ZNF469: variants seen among roughly 807,000 people sequenced by gnomAD.
The protein encoded by ZNF469 is zinc finger protein 469.
In ZNF469, 1 loss-of-function variant was observed where a neutral mutation model predicts 1.0. That is an observed-to-expected ratio of 1.00 (90% CI 0.35 to 4.73). ZNF469 has a LOEUF of 4.73. ZNF469 is among the 30% of genes most tolerant of loss of function. ZNF469 has a pLI of 0.16. For synonymous variants in ZNF469, 2,703 were observed against 2,363.4 expected (o/e 1.14, Z -4.17); for missense variants, 6,100 against 5,356.3 (o/e 1.14, Z -4.33).
chr16:88,426,334 G>A (rs1448013233), intron 2 of ZNF469, among the ~76,000 whole-genome samples: 1 of 152,270 alleles, frequency 6.6e-6, no homozygotes, highest in Admixed American at 6.5e-5. Flanking sequence ...GCCTCACTCT[G>A]CTGTGTAAAG....
At chr16:88,249,312 C>G in the ZNF469 span, among the ~76,000 whole-genome samples, 57 of 151,804 alleles carry the variant, frequency 3.8e-4, no homozygotes, top group African/African-American at 1.3e-3. Flanking sequence ...ACTGTAGTCT[C>G]GAACTCCTGG....
At chr16:88,374,337 G>GAA in the ZNF469 span, among the ~76,000 whole-genome samples, 1 of 152,242 alleles carries the variant, frequency 6.6e-6, no homozygotes, top group African/African-American at 2.4e-5. Context: ...AAAGCTGGCA[G>GAA]CAAGGGAGAG....
chr16:88,380,381 G>A (rs1208450154), upstream of ZNF469, among the ~76,000 whole-genome samples: 17 of 57,672 alleles, frequency 2.9e-4, no homozygotes, highest in East Asian at 4.4e-3. Context: ...GCACTCACAC[G>A]CACTCACAGA....
At chr16:88,249,423 CTTTTTCTTTTTT>C in the ZNF469 span, among the ~76,000 whole-genome samples, 6 of 61,754 alleles carry the variant, frequency 9.7e-5, no homozygotes, top group East Asian at 9.4e-4. Context: ...CTTTCTTTTT[CTTTTTCTTTTTT>C]TTTTTTTTTT....
chr16:88,382,253 G>A (rs926235682), upstream of ZNF469, among the ~76,000 whole-genome samples: 7 of 152,216 alleles, frequency 4.6e-5, no homozygotes, highest in African/African-American at 9.7e-5. Flanking sequence ...AGCCATCTCC[G>A]CCGTGTGGCC....
At chr16:88,415,214 C>T (rs767567779) in intron 1 of ZNF469, among the ~76,000 whole-genome samples, 33 of 152,168 alleles carry the variant, frequency 2.2e-4, no homozygotes, top group Non-Finnish European at 3.8e-4. Context: ...CAGGGACCCT[C>T]CGGGATCTCA....
chr16:88,338,877 G>A, the ZNF469 span, among the ~76,000 whole-genome samples: 2 of 152,218 alleles, frequency 1.3e-5, no homozygotes, highest in Non-Finnish European at 2.9e-5. Context: ...GCCTCAGGAG[G>A]AGCGTGGCCC....
chr16:88,399,095 T>A (rs530842520), intron 1 of ZNF469, among the ~76,000 whole-genome samples: 2 of 152,358 alleles, frequency 1.3e-5, no homozygotes, highest in Non-Finnish European at 2.9e-5. Flanking sequence ...AGTATGATGT[T>A]GGCGCTTCGG....
rs569847826 is a variant in ZNF469 at position 88,398,825 on chromosome 16, G to A, written c.-192+15571G>A. 3.9e-5 allele frequency among the ~76,000 whole-genome samples: 6 copies of A among 152,330 alleles called. No individual in the cohort carries two copies. In the South Asian group the frequency reaches 6.2e-4, roughly 16 times the overall value. On this transcript the variant is annotated intron_variant, in intron 1 of 2. Transcript: ENST00000565624. The stretch of plus-strand genomic sequence containing the variant: ...ATCCGGGCTGGGATCCGTGACCAAA[G>A]GTCAGGGCAGATCTGAGGAAAGTGT...
In ZNF469 at chr16:88,429,402, G is replaced by A. The variant is rs539996728; in HGVS notation, c.1932G>A (p.Thr644=). 50 of 1,539,576 alleles carry A rather than the reference G, an allele frequency of 3.2e-5. 1 individual carries two copies. Among genetic ancestry groups the A allele is most frequent in the East Asian group, 4.9e-5 (2 of 40,542 alleles). ...FFHPPTHPQE[T]GSPFPSPEPP... ...ACCCACCCACTCACCCCCAGGAGAC[G>A]GGCAGCCCCTTCCCGTCCCCGGAGC... The change falls in exon 3 of 3, where the codon ACG becomes ACA. Residue 644 remains threonine (T), a synonymous_variant. Coordinates refer to ENST00000565624, the MANE Select transcript of ZNF469 (RefSeq NM_001367624.2).
chr16:88,267,982 T>C, the ZNF469 span, among the ~76,000 whole-genome samples: 1 of 151,836 alleles, frequency 6.6e-6, no homozygotes, highest in Non-Finnish European at 1.5e-5. Context: ...TTCTCCACAT[T>C]CTTACCGGCT....
At chr16:88,203,509 C>T in the ZNF469 span, among the ~76,000 whole-genome samples, 6 of 144,146 alleles carry the variant, frequency 4.2e-5, no homozygotes, top group Admixed American at 3.4e-4. Context: ...GGGGACGGGG[C>T]GGGGGTGGAG....
chr16:88,411,218 A>G, intron 1 of ZNF469, among the ~76,000 whole-genome samples: 1 of 152,186 alleles, frequency 6.6e-6, no homozygotes, highest in East Asian at 1.9e-4. Context: ...AACCTCAGCA[A>G]TGACAACTTC....
the ZNF469 span, among the ~76,000 whole-genome samples, chr16:88,367,185 A>G: frequency 6.6e-6 from 1 of 152,202 alleles, no homozygotes; most frequent in South Asian, 2.1e-4. Context: ...TAGCCTATTG[A>G]GCTCCAACTG....
At position 88,427,996 on chromosome 16, in the gene ZNF469, G is replaced by A. The variant is rs761379794; in HGVS notation, c.526G>A (p.Glu176Lys). ...AAGGACTGAGGCCCAACCCGCCGCC[G>A]AAGAGCTTGGCTTCCACAGGTGCTT... is the stretch of plus-strand genomic sequence containing the variant. ...LPRTEAQPAA[E>K]ELGFHRCFQE... The change falls in exon 3 of 3, where the codon GAA becomes AAA. Residue 176 changes from glutamate to lysine, a missense_variant. Physicochemically the swap from Glu to Lys is moderately conservative, Grantham distance 56. Coordinates refer to ENST00000565624, the MANE Select transcript of ZNF469 (RefSeq NM_001367624.2). 69 of 1,549,852 alleles carry A rather than the reference G, an allele frequency of 4.5e-5. No homozygotes were observed. Among genetic ancestry groups the A allele is most frequent in the South Asian group, 2.9e-4 (24 of 84,060 alleles).
the ZNF469 span, among the ~76,000 whole-genome samples, chr16:88,101,925 T>C: frequency 6.6e-6 from 1 of 152,146 alleles, no homozygotes; most frequent in Non-Finnish European, 1.5e-5. Flanking sequence ...CGGGTGCGTC[T>C]TGGCTCCGTC....
chr16:88,318,152 TCAGCCCTTCTCTCCCAGATCTTCGGGCC>T, the ZNF469 span, among the ~76,000 whole-genome samples: 5 of 152,212 alleles, frequency 3.3e-5, no homozygotes, highest in Non-Finnish European at 7.3e-5. Flanking sequence ...CTCCACCCTC[TCAGCCCTTCTCTCCCAGATCTTCGGGCC>T]CAGCCTGGGC....
chr16:88,237,765 T>TCACCCTCCCTGCCCTCCTTGCTCCC, the ZNF469 span, among the ~76,000 whole-genome samples: 1 of 112,038 alleles, frequency 8.9e-6, no homozygotes, highest in East Asian at 2.5e-4. Flanking sequence ...TCCTTGCTCC[T>TCACCCTCCCTGCCCTCCTTGCTCCC]GCCACTCACC....
At chr16:88,412,810 A>G (rs1231061494) in intron 1 of ZNF469, among the ~76,000 whole-genome samples, 2 of 152,200 alleles carry the variant, frequency 1.3e-5, no homozygotes, top group African/African-American at 2.4e-5. Context: ...CATAGTAGTT[A>G]CTTGTTTTAC....
Sources: gnomAD v4.1 joint callset for allele counts (sites outside exome capture counted in the v4.1 genomes callset) on GRCh38, gnomAD v4.1.1 for gene constraint, MANE v1.5 for transcripts, NCBI Gene and HGNC (gene_info 2026-07-23, HGNC 2026-07-21) for gene names.